Variants in GRIP1 observed in about 807,000 individuals in gnomAD.
The protein encoded by GRIP1 is glutamate receptor interacting protein 1.
In GRIP1, 45 loss-of-function variants were observed where a neutral mutation model predicts 129.9. The observed-to-expected ratio is 0.35, with a 90% confidence interval of 0.27 to 0.44. The LOEUF (loss-of-function observed/expected upper bound fraction) is 0.44. Among genes scored for constraint, GRIP1 ranks in the 20% least tolerant of loss-of-function variants. The pLI, the probability that GRIP1 is intolerant of heterozygous loss-of-function variation, is 1.00. For missense variants in GRIP1, 1,196 were observed against 1,396.8 expected (o/e 0.86, Z 2.29); for synonymous variants, 530 against 520.8 (o/e 1.02, Z -0.24).
intron 1 of GRIP1, among the ~76,000 whole-genome samples, chr12:66,901,489 T>G (rs777640409): frequency 2.6e-5 from 4 of 152,252 alleles, no homozygotes; most frequent in Non-Finnish European, 5.9e-5. Context: ...AATCACATTA[T>G]ATATTTTGAC....
chr12:66,641,131 G>C (rs578004375), intron 1 of GRIP1, among the ~76,000 whole-genome samples: 1 of 152,290 alleles, frequency 6.6e-6, no homozygotes, highest in East Asian at 1.9e-4. Flanking sequence ...TAATCCTTTA[G>C]GATAATTTGT....
intron 15 of GRIP1, among the ~76,000 whole-genome samples, chr12:66,420,031 AG>A (rs1188891296): frequency 6.6e-6 from 1 of 152,174 alleles, no homozygotes; most frequent in Non-Finnish European, 1.5e-5. Context: ...CAGGAGACAG[AG>A]GTTTCAGTGA....
chr12:66,764,305 C>G (rs2037560506), intron 1 of GRIP1, among the ~76,000 whole-genome samples: 1 of 152,204 alleles, frequency 6.6e-6, no homozygotes, highest in Non-Finnish European at 1.5e-5. Context: ...CTCTAGGCTA[C>G]AGCCATCTAT....
At chr12:66,926,881 A>G (rs1006023000) in intron 1 of GRIP1, among the ~76,000 whole-genome samples, 2 of 152,254 alleles carry the variant, frequency 1.3e-5, no homozygotes, top group African/African-American at 4.8e-5. Context: ...GAAAAAAATA[A>G]AAGCATGCAG....
chr12:66,488,030 G>A (rs2060002732), intron 7 of GRIP1, among the ~76,000 whole-genome samples: 1 of 152,058 alleles, frequency 6.6e-6, no homozygotes, highest in South Asian at 2.1e-4. Flanking sequence ...AGTAATAGTG[G>A]GAGATTTTAA....
chr12:66,645,121 A>T lies in GRIP1; in HGVS notation c.55+33729T>A, dbSNP rs181987014. 3.0e-3 allele frequency among the ~76,000 whole-genome samples: 462 copies of T among 152,338 alleles called. 2 individuals carry two copies. The highest frequency in any genetic ancestry group is 5.3e-3 in the Non-Finnish European group (360 of 68,024). On this transcript the variant is annotated intron_variant, in intron 1 of 24. Coordinates refer to ENST00000359742, the MANE Select transcript of GRIP1 (RefSeq NM_001366722.1). ...GTATCTTTTTCAACTTCTACAAATA[A>T]CAATTTTTAAATGAAAAATATTGAA...
intron 1 of GRIP1, among the ~76,000 whole-genome samples, chr12:66,699,522 C>T (rs941632747): frequency 1.3e-5 from 2 of 152,114 alleles, no homozygotes; most frequent in African/African-American, 4.8e-5. Context: ...TCCATTTGCT[C>T]TTGACTGCCA....
chr12:66,785,327 C>CATATATAT (rs1415065185), intron 1 of GRIP1, among the ~76,000 whole-genome samples: 1 of 38,498 alleles, frequency 2.6e-5, no homozygotes, highest in African/African-American at 7.8e-5. Context: ...TACATACATA[C>CATATATAT]ATACATACAT....
intron 1 of GRIP1, among the ~76,000 whole-genome samples, chr12:66,792,476 G>C (rs1291089763): frequency 6.6e-6 from 1 of 152,088 alleles, no homozygotes; most frequent in Admixed American, 6.6e-5. Context: ...TTGGGAGGCC[G>C]AGGGGTGAGC....
At chr12:67,028,742 A>T (rs1008521966) in intron 1 of GRIP1, among the ~76,000 whole-genome samples, 2 of 152,178 alleles carry the variant, frequency 1.3e-5, no homozygotes, top group African/African-American at 4.8e-5. Context: ...ACTCAGGGGA[A>T]TCCCTGTGGT....
chr12:66,783,581 T>C (rs2038225183), intron 1 of GRIP1, among the ~76,000 whole-genome samples: 1 of 152,180 alleles, frequency 6.6e-6, no homozygotes, highest in Non-Finnish European at 1.5e-5. Context: ...ATGATACATC[T>C]TTATTTCCTT....
At chr12:66,358,488 C>G (rs2054597926) in intron 23 of GRIP1, among the ~76,000 whole-genome samples, 1 of 152,082 alleles carries the variant, frequency 6.6e-6, no homozygotes, top group Non-Finnish European at 1.5e-5. Flanking sequence ...ACTCTGTCAC[C>G]CCGACTGGAA....
At chr12:66,687,383 C>T (rs1311320369) in intron 1 of GRIP1, among the ~76,000 whole-genome samples, 1 of 151,940 alleles carries the variant, frequency 6.6e-6, no homozygotes, top group African/African-American at 2.4e-5. Flanking sequence ...TAAACATGGG[C>T]AATAGGATGG....
At chr12:66,354,483 C>T (rs2054383421) in intron 23 of GRIP1, among the ~76,000 whole-genome samples, 1 of 152,208 alleles carries the variant, frequency 6.6e-6, no homozygotes, top group South Asian at 2.1e-4. Flanking sequence ...CCCAAGCTCT[C>T]ACCGCACTGG....
chr12:67,064,886 A>T (rs535733743), intron 1 of GRIP1: 2 of 145,222 alleles, frequency 1.4e-5, no homozygotes, highest in African/African-American at 2.5e-5. Flanking sequence ...ATATCTCCCA[A>T]TGCTATCCCT....
chr12:66,463,207 AAG>A (rs2059187712), intron 8 of GRIP1, 114 bp from the exon 9 acceptor site: 2 of 963,584 alleles, frequency 2.1e-6, no homozygotes, highest in African/African-American at 3.3e-5. Context: ...AATAAAAGAA[AAG>A]AAAAGTTTGA....
intron 1 of GRIP1, among the ~76,000 whole-genome samples, chr12:66,835,377 GATGTTTATATCATTGCCAA>G (rs1485970255): frequency 2.0e-5 from 3 of 152,254 alleles, no homozygotes; most frequent in Admixed American, 6.5e-5. Flanking sequence ...CCTGCACATG[GATGTTTATATCATTGCCAA>G]ATGTTTATAT....
chr12:66,487,994 CT>C (rs757209839), intron 7 of GRIP1, among the ~76,000 whole-genome samples: 1 of 152,136 alleles, frequency 6.6e-6, no homozygotes, highest in East Asian at 1.9e-4. Context: ...TCTTAGAAAT[CT>C]ACAGAGAGAC....
intron 1 of GRIP1, among the ~76,000 whole-genome samples, chr12:66,966,908 C>T (rs570309029): frequency 1.3e-5 from 2 of 152,140 alleles, no homozygotes; most frequent in Non-Finnish European, 2.9e-5. Context: ...ATAACCTACA[C>T]TTTAAGGAGT....
Sources: allele counts gnomAD v4.1 joint callset (sites outside exome capture counted in the v4.1 genomes callset), GRCh38; gene constraint gnomAD v4.1.1; transcripts MANE v1.5; gene names NCBI Gene and HGNC (gene_info 2026-07-23, HGNC 2026-07-21).